ERC2: variants seen among roughly 807,000 people sequenced by gnomAD.
The protein encoded by ERC2 is ERC protein 2.
A neutral mutation model predicts 114.8 loss-of-function variants in ERC2; 42 were observed. The observed-to-expected ratio is 0.37, with a 90% CI of 0.29 to 0.47. ERC2 has a LOEUF of 0.47. ERC2 is among the 20% of genes least tolerant of loss of function. The pLI is 0.99. For synonymous variants in ERC2, 454 were observed against 425.5 expected (o/e 1.07, Z -0.82); for missense variants, 939 against 1,150.7 (o/e 0.82, Z 2.66).
intron 12 of ERC2, among the ~76,000 whole-genome samples, chr3:55,962,228 G>T (rs527991933): frequency 6.6e-6 from 1 of 152,190 alleles, no homozygotes; most frequent in Non-Finnish European, 1.5e-5. Context: ...CAGACTGATG[G>T]CTTGTTCTCA....
intron 17 of ERC2, among the ~76,000 whole-genome samples, chr3:55,580,481 T>C (rs1339153783): frequency 6.6e-6 from 1 of 152,326 alleles, no homozygotes; most frequent in East Asian, 1.9e-4. Context: ...TCAGGGGTCC[T>C]CAAGTTGTTA....
chr3:55,716,174 G>T (rs950005557), intron 15 of ERC2, among the ~76,000 whole-genome samples: 2 of 152,154 alleles, frequency 1.3e-5, no homozygotes, highest in Non-Finnish European at 2.9e-5. Flanking sequence ...ATGTGCATCA[G>T]ATAGAAACAG....
At chr3:56,332,480 C>T (rs191346374) in intron 2 of ERC2, among the ~76,000 whole-genome samples, 14 of 152,314 alleles carry the variant, frequency 9.2e-5, no homozygotes, top group African/African-American at 3.4e-4. Flanking sequence ...ATACGCCCAA[C>T]AACACCCAGC....
intron 13 of ERC2, among the ~76,000 whole-genome samples, chr3:55,910,410 C>CAA (rs111948062): frequency 1.3e-5 from 2 of 150,110 alleles, no homozygotes; most frequent in African/African-American, 4.9e-5. Flanking sequence ...AACAAAAAAA[C>CAA]AAAAAAAACA....
At chr3:56,398,390 A>C (rs369664640) in intron 2 of ERC2, among the ~76,000 whole-genome samples, 8 of 152,354 alleles carry the variant, frequency 5.3e-5, no homozygotes, top group African/African-American at 1.9e-4. Flanking sequence ...TAGGGTTGCC[A>C]GATAAAATAC....
chr3:56,271,214 T>C (rs767796909), intron 3 of ERC2, among the ~76,000 whole-genome samples: 6 of 152,170 alleles, frequency 3.9e-5, no homozygotes, highest in Non-Finnish European at 5.9e-5. Context: ...CTCCTCCTGG[T>C]TTTCCCAGGA....
chr3:56,317,282 C>CAT (rs199889449), intron 2 of ERC2, among the ~76,000 whole-genome samples: 178 of 152,076 alleles, frequency 1.2e-3, no homozygotes, highest in Middle Eastern at 6.8e-3. Context: ...GGCAAAGGCA[C>CAT]ATATATATAT....
At chr3:55,911,121 T>A (rs746306667) in intron 13 of ERC2, among the ~76,000 whole-genome samples, 12 of 152,168 alleles carry the variant, frequency 7.9e-5, no homozygotes, top group Non-Finnish European at 1.6e-4. Flanking sequence ...AAAACTCACA[T>A]GCACATACCC....
Position 55,714,698 on chromosome 3 carries a change from T to TATAC in ERC2, c.2713-15187_2713-15186insGTAT, listed in dbSNP as rs1278397679. Reference sequence around the variant, plus strand: ...ATATATATATATATATATATATATATATATATATATATATATGAAAAGTAC... The same window carrying TATAC: ...ATATATATATATATATATATATATATATACATATATATATATATATGAAAAGTAC... On this transcript the variant is annotated intron_variant, in intron 15 of 17. Transcript: ENST00000288221. 1.0e-3 allele frequency among the ~76,000 whole-genome samples: 72 copies of TATAC among 70,082 alleles called. 1 individual carries two copies. Among genetic ancestry groups the TATAC allele is most frequent in the African/African-American group, 3.6e-3 (72 of 20,014 alleles). 46.0% of individuals were successfully genotyped at this position (70,082 alleles called of 152,430 possible).
intron 2 of ERC2, among the ~76,000 whole-genome samples, chr3:56,416,847 T>C (rs543925704): frequency 3.9e-5 from 6 of 152,296 alleles, no homozygotes; most frequent in Admixed American, 1.3e-4. Context: ...TCCATGTTTA[T>C]TGACTTAATC....
intron 2 of ERC2, among the ~76,000 whole-genome samples, chr3:56,351,614 C>G (rs902732539): frequency 5.9e-5 from 9 of 152,196 alleles, no homozygotes; most frequent in African/African-American, 2.2e-4. Flanking sequence ...CTTGAAGTGA[C>G]AGATGTGAAG....
chr3:55,576,093 C>A (rs1484056194), intron 17 of ERC2, among the ~76,000 whole-genome samples: 1 of 152,028 alleles, frequency 6.6e-6, no homozygotes, highest in Non-Finnish European at 1.5e-5. Flanking sequence ...GGTGGATCAC[C>A]TGAGGTCAAG....
intron 3 of ERC2, among the ~76,000 whole-genome samples, chr3:56,184,345 T>C (rs890303136): frequency 5.3e-5 from 8 of 152,160 alleles, no homozygotes; most frequent in Non-Finnish European, 1.0e-4. Context: ...CAAAGATAAA[T>C]GAAACACCAT....
chr3:55,737,995 A>G (rs1385337698), intron 14 of ERC2, among the ~76,000 whole-genome samples: 2 of 152,130 alleles, frequency 1.3e-5, no homozygotes, highest in Non-Finnish European at 1.5e-5. Context: ...ACAAATGACT[A>G]CATGTATGTG....
intron 14 of ERC2, among the ~76,000 whole-genome samples, chr3:55,754,790 C>T (rs375261357): frequency 1.3e-5 from 2 of 151,852 alleles, no homozygotes; most frequent in African/African-American, 2.4e-5. Flanking sequence ...TCCTAAACAG[C>T]GCAACATGAG....
Position 55,944,809 on chromosome 3 carries a change from AC to A in ERC2, c.2403+5615del, listed in dbSNP as rs932510658. Among the ~76,000 whole-genome samples the A allele has an allele frequency of 2.3e-4, 35 of 152,220 alleles. 1 individual carries two copies. Among genetic ancestry groups the A allele is most frequent in the Non-Finnish European group, 1.5e-5 (1 of 68,036 alleles). ...CGGAGGATTATAGTGTGAAAGAAAA[AC>A]AAATGTCAAAATAAATCCCCAAGGA... On this transcript the variant is annotated intron_variant, in intron 13 of 17. Coordinates refer to ENST00000288221, the MANE Select transcript of ERC2 (RefSeq NM_015576.3).
chr3:56,450,929 C>T (rs1040698127), intron 1 of ERC2, among the ~76,000 whole-genome samples: 1 of 152,048 alleles, frequency 6.6e-6, no homozygotes, highest in Non-Finnish European at 1.5e-5. Context: ...AAATAAGTGA[C>T]GTTTAATAAA....
At chr3:56,168,123 C>A (rs557535323) in intron 4 of ERC2, among the ~76,000 whole-genome samples, 80 of 152,284 alleles carry the variant, frequency 5.3e-4, no homozygotes, top group African/African-American at 1.8e-3. Context: ...ATGTTCAAAT[C>A]TCAGCTGCCA....
chr3:55,980,126 T>G (rs959176742), intron 12 of ERC2, among the ~76,000 whole-genome samples: 11 of 151,350 alleles, frequency 7.3e-5, no homozygotes, highest in Non-Finnish European at 1.5e-4. Context: ...AAAAAAAGCT[T>G]TTTGTCTATC....
Sources: gnomAD v4.1 joint callset for allele counts (sites outside exome capture counted in the v4.1 genomes callset) on GRCh38, gnomAD v4.1.1 for gene constraint, MANE v1.5 for transcripts, NCBI Gene and HGNC (gene_info 2026-07-23, HGNC 2026-07-21) for gene names.